The following FRMD4B variants were observed in gnomAD, a reference collection of about 807,000 sequenced individuals.
FRMD4B encodes FERM domain-containing protein 4B.
In FRMD4B, 74 loss-of-function variants were observed where a neutral mutation model predicts 141.5. The ratio of observed to expected loss-of-function variants is 0.52; its 90% CI spans 0.43 to 0.63. FRMD4B has a LOEUF of 0.63. Ranked by LOEUF, FRMD4B falls within the 30% of genes least tolerant of loss-of-function variation. The pLI is 0.00. For synonymous variants in FRMD4B, 506 were observed against 467.9 expected, an observed-to-expected ratio of 1.08 and a Z score of -1.05; for missense variants, 1,366 against 1,253.4, an observed-to-expected ratio of 1.09 and a Z score of -1.36.
chr3:69,294,402 C>G (rs1700974958), intron 4 of FRMD4B, among the ~76,000 whole-genome samples: 1 of 152,202 alleles, frequency 6.6e-6, no homozygotes, highest in South Asian at 2.1e-4. Context: ...CCAAACACAT[C>G]ACTTTCTGCA....
chr3:69,374,106 C>A (rs1050494930), intron 1 of FRMD4B, among the ~76,000 whole-genome samples: 1 of 152,166 alleles, frequency 6.6e-6, no homozygotes, highest in African/African-American at 2.4e-5. Flanking sequence ...TGCACTCTAG[C>A]ATGATAACTT....
intron 1 of FRMD4B, among the ~76,000 whole-genome samples, chr3:69,491,388 A>G (rs570642616): frequency 1.3e-5 from 2 of 152,330 alleles, no homozygotes; most frequent in East Asian, 3.9e-4. Flanking sequence ...AAAGAAAGAA[A>G]AAGATAAGAT....
intron 19 of FRMD4B, among the ~76,000 whole-genome samples, chr3:69,185,437 T>A (rs2092755879): frequency 6.6e-6 from 1 of 152,196 alleles, no homozygotes; most frequent in Non-Finnish European, 1.5e-5. Context: ...TTTATTTAAA[T>A]TTTTTTAATT....
Position 69,180,821 on chromosome 3 carries a change from C to G in FRMD4B, c.2851+78G>C, listed in dbSNP as rs1027152663. 4 of 972,374 alleles carry G rather than the reference C, an allele frequency of 4.1e-6. No individual in the cohort carries two copies. In the East Asian group the frequency reaches 9.6e-5, roughly 23 times the overall value. The allele number at this position is 972,374 out of a possible 1,614,324, so 60.2% of individuals were successfully genotyped here. A position where few individuals can be genotyped will look rare whatever the true frequency, so the allele number is the denominator to read the frequency against. On this transcript the variant is annotated intron_variant, in intron 21 of 22. Coordinates refer to ENST00000398540, the MANE Select transcript of FRMD4B (RefSeq NM_015123.3). ...TGACCCTGAGTACTGGTCTCATGAT[C>G]CGTGAGGCGGTTTTAGGTGGGCAGG... is the stretch of plus-strand genomic sequence containing the variant.
intron 5 of FRMD4B, 36 bp from the exon 6 acceptor site, chr3:69,250,135 G>A: frequency 7.0e-7 from 1 of 1,433,638 alleles, no homozygotes; most frequent in African/African-American, 1.4e-5. Flanking sequence ...TTGAACATGG[G>A]GCTGTCCTAG....
intron 1 of FRMD4B, among the ~76,000 whole-genome samples, chr3:69,380,750 T>G (rs938001152): frequency 2.0e-5 from 3 of 152,182 alleles, no homozygotes; most frequent in African/African-American, 7.2e-5. Flanking sequence ...CCGGAGTCTG[T>G]GCAAGTTGCC....
At chr3:69,184,354 T>C (rs982153153) in intron 19 of FRMD4B, among the ~76,000 whole-genome samples, 1 of 152,266 alleles carries the variant, frequency 6.6e-6, no homozygotes, top group Non-Finnish European at 1.5e-5. Flanking sequence ...ATATTCTTTT[T>C]CAACGCTCAC....
chr3:69,221,793 T>G, intron 9 of FRMD4B, 65 bp downstream of exon 9: 1 of 817,914 alleles, frequency 1.2e-6, no homozygotes, highest in Non-Finnish European at 2.1e-6. Flanking sequence ...ACAGAAATCA[T>G]TTCAAGTGAT....
At chr3:69,528,328 GCT>G (rs963141192) in intron 1 of FRMD4B, among the ~76,000 whole-genome samples, 16 of 128,768 alleles carry the variant, frequency 1.2e-4, no homozygotes, top group African/African-American at 4.2e-4. Flanking sequence ...TTTCTTTCTC[GCT>G]CTCTCTCTTT....
At chr3:69,283,972 A>AAC (rs1404127104) in intron 5 of FRMD4B, among the ~76,000 whole-genome samples, 1 of 137,302 alleles carries the variant, frequency 7.3e-6, no homozygotes, top group Non-Finnish European at 1.6e-5. Flanking sequence ...AAACAAAACA[A>AAC]AACAAAAAAA....
At chr3:69,234,375 T>C (rs974013008) in intron 7 of FRMD4B, among the ~76,000 whole-genome samples, 1 of 152,164 alleles carries the variant, frequency 6.6e-6, no homozygotes, top group Admixed American at 6.5e-5. Context: ...CAAGTAATTA[T>C]TAAAAAGGAT....
rs780705957 is a variant in FRMD4B at position 69,392,586 on chromosome 3, G to T, written c.-1+40048C>A. 5.3e-5 allele frequency among the ~76,000 whole-genome samples: 8 copies of T among 152,204 alleles called. 1 individual carries two copies. Among genetic ancestry groups the T allele is most frequent in the Non-Finnish European group, 2.9e-5 (2 of 68,034 alleles). ...GTACAAAGAAAGAGCTTGAGGCAGG[G>T]CTGTGGGAATATCTACATAACTAAG... On this transcript the variant is annotated intron_variant, in intron 2 of 5. Coordinates refer to the FRMD4B transcript ENST00000459638.
intron 5 of FRMD4B, among the ~76,000 whole-genome samples, chr3:69,277,445 T>G (rs2093622820): frequency 6.6e-6 from 1 of 151,744 alleles, no homozygotes; most frequent in Non-Finnish European, 1.5e-5. Context: ...AGGCTTATGG[T>G]CATCTTTTTT....
intron 11 of FRMD4B, among the ~76,000 whole-genome samples, chr3:69,212,128 G>A (rs2093087391): frequency 6.6e-6 from 1 of 151,628 alleles, no homozygotes; most frequent in African/African-American, 2.4e-5. Flanking sequence ...GGAGGCCCGA[G>A]GCAGGTGGAT....
intron 22 of FRMD4B, among the ~76,000 whole-genome samples, chr3:69,173,791 T>G (rs1007787046): frequency 4.6e-5 from 7 of 152,158 alleles, no homozygotes; most frequent in African/African-American, 1.7e-4. Flanking sequence ...TTGGAATATA[T>G]CCTAGGAAAA....
intron 1 of FRMD4B, among the ~76,000 whole-genome samples, chr3:69,528,377 T>G (rs1700962685): frequency 6.6e-6 from 1 of 151,504 alleles, no homozygotes; most frequent in Non-Finnish European, 1.5e-5. Context: ...TTTTTTTTCT[T>G]TTTTTGAGAC....
intron 1 of FRMD4B, among the ~76,000 whole-genome samples, chr3:69,540,528 C>G (rs563906502): frequency 2.4e-4 from 35 of 145,432 alleles, no homozygotes; most frequent in Non-Finnish European, 4.0e-4. Flanking sequence ...GCAGGAGACT[C>G]GCTTGAACTC....
intron 1 of FRMD4B, among the ~76,000 whole-genome samples, chr3:69,364,185 C>T (rs930268371): frequency 3.9e-5 from 6 of 152,210 alleles, no homozygotes; most frequent in Non-Finnish European, 8.8e-5. Flanking sequence ...CAAGTTATGT[C>T]ACGCGACTAT....
At chr3:69,487,834 C>T (rs1459212712) in intron 1 of FRMD4B, among the ~76,000 whole-genome samples, 2 of 152,160 alleles carry the variant, frequency 1.3e-5, no homozygotes, top group Admixed American at 1.3e-4. Flanking sequence ...AAGATGAATA[C>T]CCAGTATCTA....
Sources: gnomAD v4.1 joint callset for allele counts (sites outside exome capture counted in the v4.1 genomes callset) on GRCh38, gnomAD v4.1.1 for gene constraint, MANE v1.5 for transcripts, NCBI Gene and HGNC (gene_info 2026-07-23, HGNC 2026-07-21) for gene names.